The following ZNF674 variants were observed in gnomAD, a reference collection of about 807,000 sequenced individuals.
ZNF674 encodes the protein zinc finger protein 674.
ZNF674 carries 2 observed loss-of-function variants against 7.0 expected under a neutral mutation model. That is an observed-to-expected ratio of 0.29 (90% CI 0.12 to 0.90). The LOEUF (loss-of-function observed/expected upper bound fraction) is 0.90. ZNF674 is among the 40% of genes least tolerant of loss of function. The probability of loss-of-function intolerance (pLI) is 0.57; values close to 1 mark genes in which losing one functional copy is unlikely to be tolerated. For synonymous variants in ZNF674, 103 were observed against 145.2 expected (o/e 0.71, Z 2.09); for missense variants, 297 against 415.5 (o/e 0.71, Z 2.48).
chrX:46,513,487 A>G (rs937076632), intron 5 of ZNF674, among the ~76,000 whole-genome samples: 1 of 111,853 alleles, frequency 8.9e-6, no homozygotes, highest in African/African-American at 3.2e-5. Context: ...TATCTGTAAC[A>G]TTAATTTTGC....
At chrX:46,518,890 CTAAATAAATAAA>C (rs200920300) in intron 5 of ZNF674, among the ~76,000 whole-genome samples, 1 of 99,418 alleles carries the variant, frequency 1.0e-5, no homozygotes, top group Non-Finnish European at 2.0e-5. Flanking sequence ...GACTCCGTCT[CTAAATAAATAAA>C]TAAATAAATA....
chrX:46,503,853 C>G (rs989815974), intron 5 of ZNF674, among the ~76,000 whole-genome samples: 63 of 110,981 alleles, frequency 5.7e-4, no homozygotes, highest in Non-Finnish European at 5.7e-5. Context: ...GCCTGGGCAA[C>G]ATGGCAAAAC....
At chrX:46,542,022 A>G in intron 3 of ZNF674, 51 bp downstream of exon 3, 2 of 1,129,099 alleles carry the variant, frequency 1.8e-6, no homozygotes, top group Middle Eastern at 4.8e-4. Context: ...ATAGATTCCA[A>G]ACTTTGCCTC....
intron 3 of ZNF674, among the ~76,000 whole-genome samples, chrX:46,541,215 G>A (rs1942289796): frequency 9.2e-6 from 1 of 108,814 alleles, no homozygotes; most frequent in Non-Finnish European, 1.9e-5. Flanking sequence ...TACAAAATTG[G>A]CTGGGCATGG....
chrX:46,516,610 G>A (rs920335303), intron 5 of ZNF674, among the ~76,000 whole-genome samples: 1 of 112,394 alleles, frequency 8.9e-6, no homozygotes, highest in Non-Finnish European at 1.9e-5. Flanking sequence ...ACATGCACAC[G>A]ACAGATCAAA....
chrX:46,540,924 T>C (rs1963684), intron 3 of ZNF674, among the ~76,000 whole-genome samples: 29,358 of 103,619 alleles, frequency 0.28, 3,136 homozygotes, highest in Middle Eastern at 0.42. Context: ...ATTAGCCGGG[T>C]GTGGTGGCAC....
chrX:46,536,119 A>G (rs1225726991), intron 3 of ZNF674, among the ~76,000 whole-genome samples: 2 of 112,119 alleles, frequency 1.8e-5, no homozygotes, highest in Admixed American at 9.6e-5. Context: ...TTATGTGTAC[A>G]TAAGGATGTC....
intron 3 of ZNF674, chrX:46,529,187 G>T (rs991138146): frequency 2.6e-6 from 1 of 391,520 alleles, no homozygotes; most frequent in African/African-American, 2.5e-5. Context: ...TTATATAACT[G>T]TTCTTATGCC....
intron 5 of ZNF674, among the ~76,000 whole-genome samples, chrX:46,503,579 C>G (rs1941472747): frequency 1.8e-5 from 2 of 111,594 alleles, no homozygotes; most frequent in African/African-American, 6.5e-5. Flanking sequence ...AAAATCAGCT[C>G]CATGTTTTCA....
chrX:46,511,422 CAG>C (rs1030423104), intron 5 of ZNF674, among the ~76,000 whole-genome samples: 15 of 111,704 alleles, frequency 1.3e-4, no homozygotes, highest in African/African-American at 4.9e-4. Context: ...AACAATAACT[CAG>C]AGGTATCTAG....
chrX:46,543,151 A>G (rs757008572), intron 2 of ZNF674, among the ~76,000 whole-genome samples: 1 of 110,018 alleles, frequency 9.1e-6, no homozygotes, highest in South Asian at 3.9e-4. Flanking sequence ...ACGGGGTTTC[A>G]TCATGTTGGT....
intron 2 of ZNF674, among the ~76,000 whole-genome samples, chrX:46,544,104 C>T (rs1319015627): frequency 8.9e-6 from 1 of 112,685 alleles, no homozygotes; most frequent in Non-Finnish European, 1.9e-5. Flanking sequence ...CCCGCCTTTG[C>T]AGGTACTACA....
intron 3 of ZNF674, among the ~76,000 whole-genome samples, chrX:46,536,388 G>A (rs1381163372): frequency 1.8e-5 from 2 of 110,725 alleles, no homozygotes; most frequent in Admixed American, 1.9e-4. Context: ...TCAAGAGATC[G>A]AGACCATCCT....
At chrX:46,529,536 G>A (rs1310891211) in intron 3 of ZNF674, 1 of 112,132 alleles carries the variant, frequency 8.9e-6, no homozygotes, top group Non-Finnish European at 1.9e-5. Context: ...GGGCATGGTG[G>A]CGGGCACCTG....
At chrX:46,509,549 C>T (rs1941609146) in intron 5 of ZNF674, among the ~76,000 whole-genome samples, 1 of 97,295 alleles carries the variant, frequency 1.0e-5, no homozygotes, top group Admixed American at 1.2e-4. Flanking sequence ...TGCTCACCAT[C>T]ACTGGCCATC....
In ZNF674 at chrX:46,543,504, A is replaced by G. The variant is rs1305370015; in HGVS notation, c.-30+997T>C. 2.7e-5 allele frequency among the ~76,000 whole-genome samples: 3 copies of G among 111,401 alleles called. No homozygotes were observed. In the Admixed American group the frequency reaches 2.9e-4, roughly 11 times the overall value. ...AGGGCTCAAAGGGCCGCAGGGAAGGAGAGGTGTGGGGCTGGGTGGGTAACA... is the reference window on the plus strand; with the variant it reads ...AGGGCTCAAAGGGCCGCAGGGAAGGGGAGGTGTGGGGCTGGGTGGGTAACA... On this transcript the variant is annotated intron_variant, in intron 2 of 5. Coordinates refer to ENST00000683375, the MANE Select transcript of ZNF674 (RefSeq NM_001190417.2).
chrX:46,500,438 A>G lies in ZNF674; in HGVS notation c.1136T>C (p.Ile379Thr), dbSNP rs773799168. ...KHWRTHTKEN[I>T]YECSKCGKSF... is the part of the protein sequence containing the mutation. Reference sequence around the variant, plus strand: ...TTTCCCACATTTACTACACTCATAAATGTTCTCTTTTGTATGAGTTCTCCA... The same window carrying G: ...TTTCCCACATTTACTACACTCATAAGTGTTCTCTTTTGTATGAGTTCTCCA... The change falls in exon 6 of 6, where the codon ATT (isoleucine) becomes ACT (threonine). Residue 379 changes from isoleucine to threonine, a missense_variant. By Grantham distance (89) the Ile-to-Thr change is moderately conservative (BLOSUM62 -1). Transcript: ENST00000683375. The G allele has an allele frequency of 5.8e-6, 7 of 1,211,269 alleles. No individual in the cohort carries two copies. Among genetic ancestry groups the G allele is most frequent in the South Asian group, 3.5e-5 (2 of 56,990 alleles).
intron 5 of ZNF674, among the ~76,000 whole-genome samples, chrX:46,516,381 A>G (rs1194305189): frequency 8.9e-6 from 1 of 112,236 alleles, no homozygotes; most frequent in Admixed American, 9.5e-5. Flanking sequence ...TACAGGTCCC[A>G]GTGACTTATG....
At chrX:46,514,526 G>T (rs1054678219) in intron 5 of ZNF674, among the ~76,000 whole-genome samples, 1 of 111,373 alleles carries the variant, frequency 9.0e-6, no homozygotes, top group African/African-American at 3.3e-5. Flanking sequence ...GGGGCCCGGG[G>T]ATATATTAAA....
Sources: allele counts gnomAD v4.1 joint callset (sites outside exome capture counted in the v4.1 genomes callset), GRCh38; gene constraint gnomAD v4.1.1; transcripts MANE v1.5; gene names NCBI Gene and HGNC (gene_info 2026-07-23, HGNC 2026-07-21).